VTI1A: variants seen among roughly 807,000 people sequenced by gnomAD.
VTI1A encodes the protein vesicle transport through interaction with t-SNAREs 1A.
In VTI1A, 22 loss-of-function variants were observed where a neutral mutation model predicts 34.9. The observed-to-expected ratio is 0.63, with a 90% CI of 0.45 to 0.90. VTI1A has a LOEUF of 0.90. Among genes scored for constraint, VTI1A ranks in the 40% least tolerant of loss-of-function variants. The probability of loss-of-function intolerance (pLI) is 0.00; values close to 1 mark genes in which losing one functional copy is unlikely to be tolerated. For missense variants in VTI1A, 268 were observed against 275.6 expected, an observed-to-expected ratio of 0.97 and a Z score of 0.20; for synonymous variants, 87 against 97.3, an observed-to-expected ratio of 0.89 and a Z score of 0.62.
intron 7 of VTI1A, among the ~76,000 whole-genome samples, chr10:112,799,231 G>T (rs996628585): frequency 2.0e-5 from 3 of 151,868 alleles, no homozygotes; most frequent in Non-Finnish European, 4.4e-5. Context: ...GGTAAGGCAG[G>T]GATGCGCTCA....
Position 112,496,519 on chromosome 10 carries a change from C to T in VTI1A, c.265-30568C>T, listed in dbSNP as rs183980245. Among the ~76,000 whole-genome samples the T allele has an allele frequency of 1.1e-4, 16 of 151,230 alleles. No homozygotes were observed. The East Asian group carries it at 2.1e-3, about 20-fold the overall frequency. Reference sequence around the variant, plus strand: ...CTGGGAGGCAGAGGTTGCAGTGAACCGAGATCGGGCCACTGCACTCCTGCC... The same window carrying T: ...CTGGGAGGCAGAGGTTGCAGTGAACTGAGATCGGGCCACTGCACTCCTGCC... On this transcript the variant is annotated intron_variant, in intron 3 of 7. Coordinates refer to ENST00000393077, the MANE Select transcript of VTI1A (RefSeq NM_145206.4).
At position 112,750,724 on chromosome 10, in the gene VTI1A, C is replaced by G. The variant is rs1185068340; in HGVS notation, c.561-64566C>G. Among the ~76,000 whole-genome samples, 5 of 152,122 alleles carry G rather than the reference C, an allele frequency of 3.3e-5. No homozygotes were observed. In the East Asian group the frequency reaches 9.6e-4, roughly 29 times the overall value. On this transcript the variant is annotated intron_variant, in intron 7 of 7. Coordinates refer to ENST00000393077, the MANE Select transcript of VTI1A (RefSeq NM_145206.4). The stretch of plus-strand genomic sequence containing the variant: ...TATCCCTAATACTCTGCAGAGTCAT[C>G]CCTCATTTATTTTTTAATGAAATTT...
At chr10:112,639,669 T>A (rs1001969829) in intron 5 of VTI1A, among the ~76,000 whole-genome samples, 2 of 152,208 alleles carry the variant, frequency 1.3e-5, no homozygotes, top group Non-Finnish European at 2.9e-5. Context: ...TACCTATGAA[T>A]TGATATTGGA....
At chr10:112,486,126 T>C (rs916181102) in intron 3 of VTI1A, among the ~76,000 whole-genome samples, 6 of 152,200 alleles carry the variant, frequency 3.9e-5, no homozygotes, top group Admixed American at 3.9e-4. Flanking sequence ...CACGCGTATG[T>C]CTGTGCTAAG....
At chr10:112,650,474 T>G (rs1846967719) in intron 5 of VTI1A, among the ~76,000 whole-genome samples, 1 of 151,700 alleles carries the variant, frequency 6.6e-6, no homozygotes, top group Non-Finnish European at 1.5e-5. Flanking sequence ...TTTTTTTAAA[T>G]AAGTGGAAGG....
chr10:112,760,889 CA>C (rs10592117), intron 7 of VTI1A, among the ~76,000 whole-genome samples: 25,199 of 94,198 alleles, frequency 0.27, 1,832 homozygotes, highest in African/African-American at 0.38. Flanking sequence ...ACTCCATCTC[CA>C]AAAAAAAAAA....
intron 7 of VTI1A, among the ~76,000 whole-genome samples, chr10:112,778,972 G>GA (rs1410045887): frequency 2.6e-5 from 4 of 152,114 alleles, no homozygotes; most frequent in East Asian, 1.9e-4. Flanking sequence ...CTAAAAGAAG[G>GA]AAAAAAATAA....
chr10:112,447,249 C>G lies in VTI1A; in HGVS notation c.-125C>G. The G allele has an allele frequency of 9.8e-7, 1 of 1,018,194 alleles. No homozygotes were observed. Among genetic ancestry groups the G allele is most frequent in the Non-Finnish European group, 1.4e-6 (1 of 698,380 alleles). 63.1% of individuals were successfully genotyped at this position (1,018,194 alleles called of 1,614,324 possible). ...GGAAGCGGCTGGGTTGAGAGCTGTC[C>G]CCGGTTCTCCGTTCTGCTCTCGGGG... On this transcript the variant is annotated 5_prime_UTR_variant, in exon 1 of 8. Transcript: ENST00000393077.
the VTI1A span, among the ~76,000 whole-genome samples, chr10:112,838,755 G>A: frequency 2.7e-3 from 414 of 152,328 alleles, 5 homozygotes; most frequent in African/African-American, 9.6e-3. Flanking sequence ...CAGGCATCTG[G>A]CGCCACGGAA....
chr10:112,464,738 A>AC, intron 3 of VTI1A, 81 bp downstream of exon 3: 2 of 1,268,992 alleles, frequency 1.6e-6, no homozygotes, highest in African/African-American at 3.0e-5. Context: ...CATTAAATGC[A>AC]CAGTCTTTTG....
chr10:112,725,078 T>A (rs955713197), intron 7 of VTI1A, among the ~76,000 whole-genome samples: 3 of 152,240 alleles, frequency 2.0e-5, no homozygotes, highest in Non-Finnish European at 2.9e-5. Context: ...ATAACCTGTC[T>A]GGGTTCAGTA....
chr10:112,682,117 GA>G (rs906923783), intron 7 of VTI1A, among the ~76,000 whole-genome samples: 8 of 151,954 alleles, frequency 5.3e-5, no homozygotes, highest in African/African-American at 1.7e-4. Flanking sequence ...TCTGTATAAA[GA>G]AAAAAAGAAC....
chr10:112,723,376 G>A (rs1230405373), intron 7 of VTI1A, among the ~76,000 whole-genome samples: 1 of 152,194 alleles, frequency 6.6e-6, no homozygotes, highest in Non-Finnish European at 1.5e-5. Flanking sequence ...CGATGAAGTG[G>A]AATGTTTTGC....
chr10:112,518,589 C>CTCTCTCTA (rs1475485810), intron 3 of VTI1A, among the ~76,000 whole-genome samples: 3 of 94,336 alleles, frequency 3.2e-5, no homozygotes, highest in Non-Finnish European at 6.2e-5. Context: ...CTCTCTCTCT[C>CTCTCTCTA]TATATATATA....
chr10:112,709,576 C>T (rs1255521172), intron 7 of VTI1A, among the ~76,000 whole-genome samples: 1 of 151,844 alleles, frequency 6.6e-6, no homozygotes, highest in Non-Finnish European at 1.5e-5. Flanking sequence ...TTCTCTTCCC[C>T]ATAAAAATCC....
intron 5 of VTI1A, among the ~76,000 whole-genome samples, chr10:112,585,223 A>G (rs956272873): frequency 6.6e-6 from 1 of 152,218 alleles, no homozygotes; most frequent in Non-Finnish European, 1.5e-5. Flanking sequence ...ACGAGACATG[A>G]ATGGGCGAGG....
chr10:112,652,740 T>A lies in VTI1A; in HGVS notation c.428-15478T>A, dbSNP rs371100635. On this transcript the variant is annotated intron_variant, in intron 5 of 7. Transcript: ENST00000393077. ...AGACCTTGTCTCAAAAAAAAAAAAA[T>A]GGAAAGAAGGAAGGAAGGGAGGAAG... Among the ~76,000 whole-genome samples the A allele has an allele frequency of 5.4e-3, 445 of 82,832 alleles. 1 individual carries two copies. The highest frequency in any genetic ancestry group is 0.016 in the East Asian group (31 of 1,886). 54.3% of individuals were successfully genotyped at this position (82,832 alleles called of 152,430 possible).
At chr10:112,526,030 T>C (rs941357715) in intron 3 of VTI1A, among the ~76,000 whole-genome samples, 1 of 152,180 alleles carries the variant, frequency 6.6e-6, no homozygotes, top group African/African-American at 2.4e-5. Context: ...AGGAAGAGAT[T>C]ACTGTTTTCC....
At chr10:112,649,254 C>T (rs1846918791) in intron 5 of VTI1A, among the ~76,000 whole-genome samples, 1 of 152,136 alleles carries the variant, frequency 6.6e-6, no homozygotes, top group African/African-American at 2.4e-5. Context: ...CTCTGCACAG[C>T]CAGTTTCTAG....
Sources: gnomAD v4.1 joint callset for allele counts (sites outside exome capture counted in the v4.1 genomes callset) on GRCh38, gnomAD v4.1.1 for gene constraint, MANE v1.5 for transcripts, NCBI Gene and HGNC (gene_info 2026-07-23, HGNC 2026-07-21) for gene names.